The following KCND3 variants were observed in gnomAD, a reference collection of about 807,000 sequenced individuals.
The protein encoded by KCND3 is potassium voltage-gated channel subfamily D member 3, also known as A-type voltage-gated potassium channel KCND3.
KCND3 carries 9 observed loss-of-function variants against 51.1 expected under a neutral mutation model. That is an observed-to-expected ratio of 0.18 (90% CI 0.11 to 0.31). The LOEUF (loss-of-function observed/expected upper bound fraction) is 0.31, where lower values mean the gene tolerates loss of function less well. Among genes scored for constraint, KCND3 ranks in the 10% least tolerant of loss-of-function variants. The pLI, the probability that KCND3 is intolerant of heterozygous loss-of-function variation, is 1.00. For synonymous variants in KCND3, 349 were observed against 368.0 expected (o/e 0.95, Z 0.59); for missense variants, 526 against 903.8 (o/e 0.58, Z 5.36).
At chr1:111,849,505 C>T (rs1006335187) in intron 2 of KCND3, among the ~76,000 whole-genome samples, 5 of 152,186 alleles carry the variant, frequency 3.3e-5, no homozygotes, top group East Asian at 1.9e-4. Context: ...GGCCCAGTGC[C>T]CCTGAGTCCC....
intron 5 of KCND3, among the ~76,000 whole-genome samples, chr1:111,779,971 G>A (rs1473213336): frequency 1.3e-5 from 2 of 152,246 alleles, no homozygotes; most frequent in Non-Finnish European, 2.9e-5. Context: ...CTGTGGAGAC[G>A]AGTGTAGGAG....
chr1:111,852,903 C>G (rs985193697), intron 2 of KCND3, among the ~76,000 whole-genome samples: 1 of 152,304 alleles, frequency 6.6e-6, no homozygotes, highest in Admixed American at 6.5e-5. Context: ...CCCCTGCTCT[C>G]CCACAGCACC....
intron 2 of KCND3, among the ~76,000 whole-genome samples, chr1:111,927,492 T>C (rs183809660): frequency 4.9e-4 from 74 of 152,372 alleles, no homozygotes; most frequent in African/African-American, 1.7e-3. Flanking sequence ...TGTCCTCCTG[T>C]GTAGCTGACT....
At chr1:111,889,738 C>T (rs1404120259) in intron 2 of KCND3, among the ~76,000 whole-genome samples, 2 of 151,990 alleles carry the variant, frequency 1.3e-5, no homozygotes, top group South Asian at 2.1e-4. Flanking sequence ...CTGCATTTTA[C>T]ATAAGATAAC....
At chr1:111,924,147 TTCA>T (rs1467780900) in intron 2 of KCND3, among the ~76,000 whole-genome samples, 1 of 152,190 alleles carries the variant, frequency 6.6e-6, no homozygotes, top group Non-Finnish European at 1.5e-5. Flanking sequence ...CCACTCCACA[TTCA>T]TCAAGCACCT....
chr1:111,885,648 G>A (rs941784620), intron 2 of KCND3, among the ~76,000 whole-genome samples: 2 of 151,886 alleles, frequency 1.3e-5, no homozygotes, highest in African/African-American at 4.8e-5. Flanking sequence ...GTACGGGAAC[G>A]TTTCCATTTA....
intron 2 of KCND3, among the ~76,000 whole-genome samples, chr1:111,923,959 T>C (rs1424036292): frequency 6.6e-6 from 1 of 152,160 alleles, no homozygotes; most frequent in Non-Finnish European, 1.5e-5. Context: ...ACAAATGACA[T>C]GGCTTAGGAC....
Position 111,807,260 on chromosome 1 carries a change from A to G in KCND3, c.1107-20154T>C, listed in dbSNP as rs532275116. On this transcript the variant is annotated intron_variant, in intron 2 of 7. Coordinates refer to ENST00000302127, the MANE Select transcript of KCND3 (RefSeq NM_001378969.1). ...GACATTTTGGTCAGTGATGAACTGCATATATGATGGCAGTCCTATAAAATT... is the reference window on the plus strand; with the variant it reads ...GACATTTTGGTCAGTGATGAACTGCGTATATGATGGCAGTCCTATAAAATT... Among the ~76,000 whole-genome samples, 239 of 152,396 alleles carry G rather than the reference A, an allele frequency of 1.6e-3. 3 individuals carry two copies. The highest frequency in any genetic ancestry group is 2.0e-3 in the Non-Finnish European group (138 of 68,038).
At chr1:111,904,411 G>A (rs1670543187) in intron 2 of KCND3, among the ~76,000 whole-genome samples, 1 of 152,160 alleles carries the variant, frequency 6.6e-6, no homozygotes, top group African/African-American at 2.4e-5. Flanking sequence ...AGCTTTCCTA[G>A]CTGCTATAAA....
chr1:111,980,958 A>G (rs1329204641), intron 2 of KCND3, among the ~76,000 whole-genome samples: 1 of 152,126 alleles, frequency 6.6e-6, no homozygotes, highest in Non-Finnish European at 1.5e-5. Context: ...TCATTCAATC[A>G]CTGACTCAGA....
At chr1:111,890,728 G>C (rs1161579773) in intron 2 of KCND3, among the ~76,000 whole-genome samples, 1 of 152,170 alleles carries the variant, frequency 6.6e-6, no homozygotes, top group Non-Finnish European at 1.5e-5. Context: ...AGAGAAGCCA[G>C]CAAGAGACTG....
chr1:111,981,806 C>T lies in KCND3; in HGVS notation c.921G>A (p.Leu307=), dbSNP rs1191088316. 1.9e-6 allele frequency: 3 copies of T among 1,613,998 alleles called. No homozygotes were observed. The African/African-American group carries it at 4.0e-5, about 22-fold the overall frequency. The change falls in exon 2 of 8, where the codon CTG becomes CTA. Residue 307 remains leucine, a synonymous_variant. Coordinates refer to ENST00000302127, the MANE Select transcript of KCND3 (RefSeq NM_001378969.1). This position sits in a 1 kb window ranked among gnomAD's most constrained non-coding sequence, Gnocchi z 6.2. ...TCTTCAGTGTGTAGCCCAGGATCCG[C>T]AGGCCCTGGGAGTGGCGGGAAAACT... is the stretch of plus-strand genomic sequence containing the variant. The part of the protein sequence containing the change: ...IFKFSRHSQG[L]RILGYTLKSC...
chr1:111,781,898 CTG>C (rs1664405039), intron 3 of KCND3, among the ~76,000 whole-genome samples: 1 of 152,116 alleles, frequency 6.6e-6, no homozygotes, highest in Non-Finnish European at 1.5e-5. Flanking sequence ...AGGAATGAGA[CTG>C]AGAGAGGGAG....
intron 2 of KCND3, among the ~76,000 whole-genome samples, chr1:111,962,180 G>A (rs1673697823): frequency 6.6e-6 from 1 of 152,234 alleles, no homozygotes; most frequent in Non-Finnish European, 1.5e-5. Flanking sequence ...TCATTTGCCA[G>A]AAAAAGAAAG....
At chr1:111,843,930 CT>C (rs1667438729) in intron 2 of KCND3, among the ~76,000 whole-genome samples, 1 of 152,182 alleles carries the variant, frequency 6.6e-6, no homozygotes, top group Non-Finnish European at 1.5e-5. Context: ...TTGGCTCACG[CT>C]GAGAGTGACA....
chr1:111,963,553 T>C (rs1424225245), intron 2 of KCND3, among the ~76,000 whole-genome samples: 1 of 152,222 alleles, frequency 6.6e-6, no homozygotes, highest in Non-Finnish European at 1.5e-5. Context: ...CATGACCTGG[T>C]CCACCGTATG....
At chr1:111,779,636 G>C (rs952335330) in intron 5 of KCND3, among the ~76,000 whole-genome samples, 24 of 151,768 alleles carry the variant, frequency 1.6e-4, no homozygotes, top group African/African-American at 5.8e-4. Flanking sequence ...CCTAAACCAT[G>C]GCTCTGTTTT....
Position 111,866,977 on chromosome 1 carries a change from A to G in KCND3, c.1107-79871T>C, listed in dbSNP as rs568495297. Among the ~76,000 whole-genome samples, 32 of 152,284 alleles carry G rather than the reference A, an allele frequency of 2.1e-4. No homozygotes were observed. In the East Asian group the frequency reaches 6.0e-3, roughly 28 times the overall value. Reference sequence around the variant, plus strand: ...TAAATGCACATCATGAAAAAATCCTATGTAGGCTAATAAAAATATTTTTTA... The same window carrying G: ...TAAATGCACATCATGAAAAAATCCTGTGTAGGCTAATAAAAATATTTTTTA... On this transcript the variant is annotated intron_variant, in intron 2 of 7. Coordinates refer to ENST00000302127, the MANE Select transcript of KCND3 (RefSeq NM_001378969.1).
At chr1:111,875,861 G>C (rs959261907) in intron 2 of KCND3, among the ~76,000 whole-genome samples, 1 of 152,234 alleles carries the variant, frequency 6.6e-6, no homozygotes, top group Non-Finnish European at 1.5e-5. Context: ...TGGCAGAAGT[G>C]TAATGTACAA....
Sources: allele counts gnomAD v4.1 joint callset (sites outside exome capture counted in the v4.1 genomes callset), GRCh38; gene constraint gnomAD v4.1.1; non-coding constraint Gnocchi (gnomAD v3.1); transcripts MANE v1.5; gene names NCBI Gene and HGNC (gene_info 2026-07-23, HGNC 2026-07-21).